The following UST variants were observed in gnomAD, a reference collection of about 807,000 sequenced individuals.
UST encodes the protein chondroitin sulfate 2-O-sulfotransferase.
A neutral mutation model predicts 45.6 loss-of-function variants in UST; 21 were observed. That is an observed-to-expected ratio of 0.46 (90% confidence interval 0.33 to 0.66). UST has a LOEUF of 0.66. Ranked by LOEUF, UST falls within the 30% of genes least tolerant of loss-of-function variation. The pLI is 0.02. For synonymous variants in UST, 215 were observed against 200.6 expected (o/e 1.07, Z -0.61); for missense variants, 463 against 512.4 (o/e 0.90, Z 0.93).
In UST at chr6:149,074,248, G is replaced by A; in HGVS notation, c.*132G>A. 2 of 1,010,082 alleles carry A rather than the reference G, an allele frequency of 2.0e-6. No individual in the cohort carries two copies. Among genetic ancestry groups the A allele is most frequent in the Non-Finnish European group, 2.9e-6 (2 of 696,790 alleles). The allele number at this position is 1,010,082 out of a possible 1,614,324, so 62.6% of individuals were successfully genotyped here. A position where few individuals can be genotyped will look rare whatever the true frequency, so the allele number is the denominator to read the frequency against. ...GAACAAAACATTCCCACATGTTGGG[G>A]TCATTGGGAGATGCCCGGTTTTGCG... On this transcript the variant is annotated 3_prime_UTR_variant, in exon 8 of 8. Coordinates refer to ENST00000367463, the MANE Select transcript of UST (RefSeq NM_005715.3).
In UST at chr6:148,895,125, A is replaced by T. The variant is rs559493235; in HGVS notation, c.291+8096A>T. On this transcript the variant is annotated intron_variant, in intron 2 of 7. Transcript: ENST00000367463. ...GCCACTGCGCCTGGCATTTCAGTGC[A>T]TTTTTAAGTTTTTTTTCCAACCTTC... Among the ~76,000 whole-genome samples, 11 of 152,150 alleles carry T rather than the reference A, an allele frequency of 7.2e-5. No homozygotes were observed. The East Asian group carries it at 2.1e-3, about 29-fold the overall frequency.
At chr6:148,915,666 G>A (rs1779575162) in intron 2 of UST, among the ~76,000 whole-genome samples, 1 of 152,204 alleles carries the variant, frequency 6.6e-6, no homozygotes, top group African/African-American at 2.4e-5. Flanking sequence ...TTGTATCCTA[G>A]TGCAACTGTT....
chr6:148,872,393 T>C (rs956453045), intron 1 of UST, among the ~76,000 whole-genome samples: 3 of 152,212 alleles, frequency 2.0e-5, no homozygotes, highest in Admixed American at 2.0e-4. Context: ...ATATTAAATT[T>C]TGAAGTTGTG....
intron 7 of UST, among the ~76,000 whole-genome samples, chr6:149,023,328 G>C (rs574731349): frequency 1.3e-5 from 2 of 152,168 alleles, no homozygotes; most frequent in Non-Finnish European, 2.9e-5. Context: ...GATGAAGAGA[G>C]GTTCACATAG....
intron 1 of UST, among the ~76,000 whole-genome samples, chr6:148,834,467 G>C (rs954618245): frequency 6.6e-6 from 1 of 152,152 alleles, no homozygotes; most frequent in African/African-American, 2.4e-5. Context: ...GGGCACAGTT[G>C]CTCATGCTTG....
chr6:149,001,577 CTTCAAAG>C (rs555309454), intron 5 of UST, among the ~76,000 whole-genome samples: 165 of 152,286 alleles, frequency 1.1e-3, no homozygotes, highest in Non-Finnish European at 1.7e-3. Context: ...ACAGTAATAT[CTTCAAAG>C]TGTTGAGATA....
intron 7 of UST, among the ~76,000 whole-genome samples, chr6:149,035,000 T>C (rs1049770819): frequency 6.6e-6 from 1 of 152,136 alleles, no homozygotes; most frequent in Non-Finnish European, 1.5e-5. Context: ...CTGTCTTCTA[T>C]TTCTGGGAAT....
intron 1 of UST, among the ~76,000 whole-genome samples, chr6:148,822,624 A>G (rs986555211): frequency 6.6e-6 from 1 of 152,228 alleles, no homozygotes; most frequent in Non-Finnish European, 1.5e-5. Context: ...CTACAGCCTC[A>G]GTAGCCATGA....
intron 5 of UST, among the ~76,000 whole-genome samples, chr6:149,015,548 G>C (rs1434577070): frequency 6.6e-6 from 1 of 152,196 alleles, no homozygotes; most frequent in African/African-American, 2.4e-5. Flanking sequence ...GTGCTGGCAA[G>C]CAGGCTGGCT....
intron 2 of UST, among the ~76,000 whole-genome samples, chr6:148,901,673 T>G (rs1462154290): frequency 1.3e-5 from 2 of 151,660 alleles, no homozygotes; most frequent in African/African-American, 4.8e-5. Flanking sequence ...TTCTCCTGCC[T>G]CAGCCTCCTG....
At chr6:148,972,929 G>C (rs1330057438) in intron 5 of UST, among the ~76,000 whole-genome samples, 1 of 152,018 alleles carries the variant, frequency 6.6e-6, no homozygotes. Flanking sequence ...GTGTAGCTGA[G>C]GTTGAGAACT....
At chr6:148,948,276 C>G (rs1326193400) in intron 3 of UST, among the ~76,000 whole-genome samples, 1 of 152,186 alleles carries the variant, frequency 6.6e-6, no homozygotes, top group Non-Finnish European at 1.5e-5. Context: ...AAAACATGTC[C>G]TTTCTGTAAA....
intron 2 of UST, among the ~76,000 whole-genome samples, chr6:148,889,547 C>T (rs1333289411): frequency 6.6e-6 from 1 of 152,162 alleles, no homozygotes; most frequent in Admixed American, 6.5e-5. Context: ...CCATAGCCCC[C>T]TGCCCTGTCA....
rs1468676914 is a variant in UST at position 148,790,560 on chromosome 6, T to C, written c.247+42883T>C. Reference sequence around the variant, plus strand: ...TCAGCCCTGCACTGTTAAGGTGCTGTAGCGGATGCTGTGATGTGCCACCGT... The same window carrying C: ...TCAGCCCTGCACTGTTAAGGTGCTGCAGCGGATGCTGTGATGTGCCACCGT... On this transcript the variant is annotated intron_variant, in intron 1 of 7. Coordinates refer to ENST00000367463, the MANE Select transcript of UST (RefSeq NM_005715.3). The surrounding 1 kb of genome is among the most constrained non-coding windows in gnomAD (Gnocchi z 4.2). Among the ~76,000 whole-genome samples the C allele has an allele frequency of 2.6e-5, 4 of 152,210 alleles. No homozygotes were observed. Among genetic ancestry groups the C allele is most frequent in the Admixed American group, 2.6e-4 (4 of 15,278 alleles).
intron 7 of UST, among the ~76,000 whole-genome samples, chr6:149,028,124 G>A (rs563109392): frequency 9.9e-5 from 15 of 152,258 alleles, no homozygotes; most frequent in East Asian, 9.7e-4. Context: ...GATTACTGGC[G>A]TGATCCACCG....
rs575280162 is a variant in UST at position 148,765,794 on chromosome 6, GTTC to G, written c.247+18122_247+18124del. ...TGTCCATGAAATCTTCACAATTTATGTTCTTCTGCCTTCAGCCTGTCCCTCCGT... is the reference window on the plus strand; with the variant it reads ...TGTCCATGAAATCTTCACAATTTATGTTCTGCCTTCAGCCTGTCCCTCCGT... On this transcript the variant is annotated intron_variant, in intron 1 of 7. Coordinates refer to ENST00000367463, the MANE Select transcript of UST (RefSeq NM_005715.3). Among the ~76,000 whole-genome samples, 528 of 152,292 alleles carry G rather than the reference GTTC, an allele frequency of 3.5e-3. 2 individuals carry two copies. Among genetic ancestry groups the G allele is most frequent in the African/African-American group, 0.012 (501 of 41,548 alleles).
At chr6:148,955,861 G>A (rs1344082596) in intron 4 of UST, 1 of 152,210 alleles carries the variant, frequency 6.6e-6, no homozygotes, top group Non-Finnish European at 1.5e-5. Context: ...TCTGAACAGT[G>A]TAAAACACAA....
intron 5 of UST, among the ~76,000 whole-genome samples, chr6:148,975,195 A>G (rs140526680): frequency 1.3e-5 from 2 of 152,312 alleles, no homozygotes; most frequent in East Asian, 1.9e-4. Flanking sequence ...CTTGGTAACT[A>G]TTACTCAGGT....
intron 7 of UST, among the ~76,000 whole-genome samples, chr6:149,051,674 T>C (rs577444982): frequency 1.3e-5 from 2 of 152,340 alleles, no homozygotes; most frequent in African/African-American, 4.8e-5. Flanking sequence ...GTTTCCCCTT[T>C]GTATCTCCAC....
Sources: allele counts gnomAD v4.1 joint callset (sites outside exome capture counted in the v4.1 genomes callset), GRCh38; gene constraint gnomAD v4.1.1; non-coding constraint Gnocchi (gnomAD v3.1); transcripts MANE v1.5; gene names NCBI Gene and HGNC (gene_info 2026-07-23, HGNC 2026-07-21).